NR2C2: variants seen among roughly 807,000 people sequenced by gnomAD.
NR2C2 encodes nuclear receptor subfamily 2 group C member 2, also known as Nuclear hormone receptor TR4.
Under a neutral mutation model 62.9 loss-of-function variants are expected in NR2C2, and 6 were observed. The ratio of observed to expected loss-of-function variants is 0.10; its 90% confidence interval spans 0.05 to 0.19. The LOEUF (loss-of-function observed/expected upper bound fraction) is 0.19. Ranked by LOEUF, NR2C2 falls within the 10% of genes least tolerant of loss-of-function variation. The pLI, the probability that NR2C2 is intolerant of heterozygous loss-of-function variation, is 1.00. For synonymous variants in NR2C2, 272 were observed against 273.8 expected, an observed-to-expected ratio of 0.99 and a Z score of 0.07; for missense variants, 479 against 762.7, an observed-to-expected ratio of 0.63 and a Z score of 4.38.
chr3:14,956,311 T>C (rs1559525916), intron 1 of NR2C2, among the ~76,000 whole-genome samples: 1 of 152,228 alleles, frequency 6.6e-6, no homozygotes, highest in African/African-American at 2.4e-5. Context: ...CCATTTTAAT[T>C]TTCCCATGAA....
chr3:14,962,655 C>CTTTT (rs1228029134), intron 1 of NR2C2, among the ~76,000 whole-genome samples: 4 of 123,662 alleles, frequency 3.2e-5, no homozygotes, highest in Non-Finnish European at 5.1e-5. Context: ...TTATTTGTAA[C>CTTTT]TTTTTTTTTT....
intron 2 of NR2C2, among the ~76,000 whole-genome samples, chr3:15,004,987 A>G (rs2124938100): frequency 6.6e-6 from 1 of 152,152 alleles, no homozygotes; most frequent in South Asian, 2.1e-4. Flanking sequence ...TCCTGACCTC[A>G]AGTGATACTC....
At chr3:15,041,520 G>A (rs1013052604) in intron 13 of NR2C2, among the ~76,000 whole-genome samples, 8 of 152,124 alleles carry the variant, frequency 5.3e-5, no homozygotes, top group Admixed American at 2.0e-4. Context: ...AATTTAGAAT[G>A]TTCTAGAAAG....
In NR2C2 at chr3:15,039,107, CT is replaced by C; in HGVS notation, c.1511-11del. 6.3e-7 allele frequency: 1 copy of C among 1,587,674 alleles called. No individual in the cohort carries two copies. The highest frequency in any genetic ancestry group is 8.6e-7 in the Non-Finnish European group (1 of 1,158,636). ...ATACAGAGGGAACTGGGGGGGGGTA[CT>C]TTTCTGTTTTCAGATCATCCAGGTT... On this transcript the variant is annotated splice_polypyrimidine_tract_variant and intron_variant, in intron 12 of 13. Coordinates refer to ENST00000425241, the MANE Select transcript of NR2C2 (RefSeq NM_001291694.2).
chr3:14,967,927 C>G (rs1574938667), intron 1 of NR2C2, among the ~76,000 whole-genome samples: 1 of 152,112 alleles, frequency 6.6e-6, no homozygotes, highest in African/African-American at 2.4e-5. Flanking sequence ...GGAAAACTGG[C>G]TAGCCATATG....
intron 1 of NR2C2, among the ~76,000 whole-genome samples, chr3:14,994,546 G>A (rs1291194791): frequency 6.8e-6 from 1 of 147,180 alleles, no homozygotes; most frequent in East Asian, 2.0e-4. Context: ...GGGTTTAAGC[G>A]ATTCTTCTGC....
At chr3:15,007,470 G>T (rs552006632) in intron 2 of NR2C2, among the ~76,000 whole-genome samples, 1 of 152,240 alleles carries the variant, frequency 6.6e-6, no homozygotes, top group East Asian at 1.9e-4. Context: ...GTTATTCAGG[G>T]TTACCCCAAC....
chr3:14,987,002 T>A (rs1252004145), intron 1 of NR2C2, among the ~76,000 whole-genome samples: 1 of 152,250 alleles, frequency 6.6e-6, no homozygotes, highest in Non-Finnish European at 1.5e-5. Flanking sequence ...TAATTATGTT[T>A]CACAGTAGAC....
At chr3:15,039,854 G>A (rs1020300711) in intron 13 of NR2C2, among the ~76,000 whole-genome samples, 18 of 152,198 alleles carry the variant, frequency 1.2e-4, no homozygotes, top group African/African-American at 4.3e-4. Flanking sequence ...GTAAAAATAT[G>A]TGTATAAAAA....
At chr3:15,023,770 A>C (rs927597237) in intron 6 of NR2C2, among the ~76,000 whole-genome samples, 1 of 152,190 alleles carries the variant, frequency 6.6e-6, no homozygotes, top group African/African-American at 2.4e-5. Context: ...AAGCAATCCA[A>C]AATGTATCAG....
At chr3:15,020,692 C>A in intron 4 of NR2C2, 61 bp from the exon 5 acceptor site, 1 of 1,575,422 alleles carries the variant, frequency 6.3e-7, no homozygotes, top group South Asian at 1.2e-5. Context: ...GACAGATCAC[C>A]TCTTTGGTGA....
chr3:14,961,754 A>G (rs892332732), intron 1 of NR2C2, among the ~76,000 whole-genome samples: 4 of 152,186 alleles, frequency 2.6e-5, no homozygotes, highest in African/African-American at 9.7e-5. Flanking sequence ...AATGACATCA[A>G]ATCTATTTTT....
chr3:15,035,749 G>C (rs1272996102), intron 11 of NR2C2, among the ~76,000 whole-genome samples: 1 of 152,246 alleles, frequency 6.6e-6, no homozygotes, highest in Non-Finnish European at 1.5e-5. Context: ...ACAGGAGGCT[G>C]GGTGCAGTGG....
chr3:14,997,596 T>A (rs906699083), intron 1 of NR2C2, among the ~76,000 whole-genome samples: 5 of 152,148 alleles, frequency 3.3e-5, no homozygotes, highest in African/African-American at 1.2e-4. Flanking sequence ...TCCTATAAAA[T>A]GGTTGTGCTT....
intron 1 of NR2C2, among the ~76,000 whole-genome samples, chr3:14,981,593 G>A (rs62241842): frequency 0.27 from 36,937 of 139,202 alleles, 5,525 homozygotes; most frequent in African/African-American, 0.39. Flanking sequence ...ACAGAGCGAG[G>A]CTCTGTCTCA....
chr3:14,982,058 A>T (rs1261406182), intron 1 of NR2C2, among the ~76,000 whole-genome samples: 1 of 152,148 alleles, frequency 6.6e-6, no homozygotes, highest in Admixed American at 6.6e-5. Context: ...AATACTTTAC[A>T]TCCTTCAGTC....
In NR2C2 at chr3:15,043,286, CAAAA is replaced by C. The variant is rs755314681; in HGVS notation, c.*284_*287del. ...TTAGAAATTCTCAAAGGGCAAAAAA[CAAAA>C]AAAAAGGTTTTATAATGTCAGAGAC... On this transcript the variant is annotated 3_prime_UTR_variant, in exon 14 of 14. Coordinates refer to ENST00000425241, the MANE Select transcript of NR2C2 (RefSeq NM_001291694.2). The C allele has an allele frequency of 3.0e-5, 7 of 234,640 alleles. No individual in the cohort carries two copies. The highest frequency in any genetic ancestry group is 4.8e-5 in the Non-Finnish European group (6 of 125,768). 14.5% of individuals were successfully genotyped at this position (234,640 alleles called of 1,614,324 possible). A position where few individuals can be genotyped will look rare whatever the true frequency, so the allele number is the denominator to read the frequency against.
Position 15,030,300 on chromosome 3 carries a change from C to G in NR2C2, c.958C>G (p.Leu320Val), listed in dbSNP as rs1433289118. 1 of 1,611,310 alleles carries G rather than the reference C, an allele frequency of 6.2e-7. No homozygotes were observed. Among genetic ancestry groups the G allele is most frequent in the South Asian group, 1.1e-5 (1 of 90,476 alleles). Reference sequence around the variant, plus strand: ...GGCATTTGATACCTTAGCTAAAGCACTTAATACCACAGACAGCTCCTCTTC... The same window carrying G: ...GGCATTTGATACCTTAGCTAAAGCAGTTAATACCACAGACAGCTCCTCTTC... ...TRAFDTLAKA[L>V]NTTDSSSSPS... The change falls in exon 9 of 14, where the codon CTT (leucine) becomes GTT (valine). Residue 320 changes from leucine to valine, a missense_variant. This residue lies in a region of NR2C2 where 151 missense variants were observed against 176.1 expected (regional missense o/e 0.86). Coordinates refer to ENST00000425241, the MANE Select transcript of NR2C2 (RefSeq NM_001291694.2).
At chr3:14,956,601 T>C (rs2125228721) in intron 1 of NR2C2, among the ~76,000 whole-genome samples, 1 of 152,300 alleles carries the variant, frequency 6.6e-6, no homozygotes, top group Middle Eastern at 3.4e-3. Context: ...TGGAGTGCAG[T>C]GGCTCAATCT....
Sources: gnomAD v4.1 joint callset for allele counts (sites outside exome capture counted in the v4.1 genomes callset) on GRCh38, gnomAD v4.1.1 for gene constraint, gnomAD v4.1.1 regional missense constraint, MANE v1.5 for transcripts, NCBI Gene and HGNC (gene_info 2026-07-23, HGNC 2026-07-21) for gene names.